Variants in PHIP observed in about 807,000 individuals in gnomAD.
PHIP encodes the protein PHIP subunit of CUL4-Ring ligase complex, also known as PH-interacting protein.
PHIP carries 54 observed loss-of-function variants against 236.8 expected under a neutral mutation model. The observed-to-expected ratio is 0.23, with a 90% CI of 0.18 to 0.29. The LOEUF (loss-of-function observed/expected upper bound fraction) is 0.29, where lower values mean the gene tolerates loss of function less well. Among genes scored for constraint, PHIP ranks in the 10% least tolerant of loss-of-function variants. The pLI is 1.00. For synonymous variants in PHIP, 756 were observed against 718.9 expected, an observed-to-expected ratio of 1.05 and a Z score of -0.83; for missense variants, 1,370 against 2,190.8, an observed-to-expected ratio of 0.63 and a Z score of 7.48.
rs117017781 is a variant in PHIP at position 78,953,488 on chromosome 6, C to A, written c.4053+1326G>T. On this transcript the variant is annotated intron_variant, in intron 35 of 39. Coordinates refer to ENST00000275034, the MANE Select transcript of PHIP (RefSeq NM_017934.7). ...ATAGCTGAGCTTGCAAGAACCAAAG[C>A]GAAATCCATAAGTTGTGAAAACACA... Among the ~76,000 whole-genome samples, 1,288 of 152,148 alleles carry A rather than the reference C, an allele frequency of 8.5e-3. 54 individuals are homozygous for A. Among genetic ancestry groups the A allele is most frequent in the Admixed American group, 0.07 (1,069 of 15,282 alleles).
At chr6:78,973,923 A>T (rs958309378) in intron 24 of PHIP, among the ~76,000 whole-genome samples, 36 of 151,920 alleles carry the variant, frequency 2.4e-4, no homozygotes, top group African/African-American at 7.7e-4. Context: ...ACACATTAAT[A>T]ATGGGAGACT....
chr6:79,036,491 A>T (rs1275952795), intron 7 of PHIP, among the ~76,000 whole-genome samples: 1 of 152,136 alleles, frequency 6.6e-6, no homozygotes, highest in Non-Finnish European at 1.5e-5. Flanking sequence ...AATAATTTTG[A>T]ATTTCAAACG....
chr6:78,947,066 T>C (rs1448936690), intron 36 of PHIP, among the ~76,000 whole-genome samples, 192 bp from the exon 37 acceptor site: 1 of 152,214 alleles, frequency 6.6e-6, no homozygotes, highest in African/African-American at 2.4e-5. Context: ...TTTTTGTGTT[T>C]AGAACAGAAA....
Position 79,070,515 on chromosome 6 carries a change from A to AAGGT in PHIP, c.189+6929_189+6932dup, listed in dbSNP as rs140722580. On this transcript the variant is annotated intron_variant, in intron 4 of 39. Coordinates refer to ENST00000275034, the MANE Select transcript of PHIP (RefSeq NM_017934.7). ...CAAAAACTAAACCAGAGTCAAACACAAGGTATGTATTTCTTGCATTATACT... is the reference window on the plus strand; with the variant it reads ...CAAAAACTAAACCAGAGTCAAACACAAGGTAGGTATGTATTTCTTGCATTATACT... 2.4e-3 allele frequency among the ~76,000 whole-genome samples: 359 copies of AAGGT among 152,344 alleles called. 1 individual carries two copies. The highest frequency in any genetic ancestry group is 8.3e-3 in the African/African-American group (344 of 41,568).
chr6:78,956,770 C>G (rs1424230443), intron 32 of PHIP: 1 of 152,062 alleles, frequency 6.6e-6, no homozygotes, highest in African/African-American at 2.4e-5. Flanking sequence ...ACTTCTCCTC[C>G]CCTGTATCTG....
chr6:78,937,723 ACTATAG>A lies in PHIP; in HGVS notation c.*2964_*2969del, dbSNP rs1773328342. ...TACATGCAGAAAATAGTCCAATGCCACTATAGCAGGTCACAAAGGATAAAATTTTAA... is the reference window on the plus strand; with the variant it reads ...TACATGCAGAAAATAGTCCAATGCCACAGGTCACAAAGGATAAAATTTTAA... On this transcript the variant is annotated 3_prime_UTR_variant, in exon 40 of 40. Transcript: ENST00000275034. 2.6e-5 allele frequency: 4 copies of A among 151,866 alleles called. No homozygotes were observed. 9.4% of individuals were successfully genotyped at this position (151,866 alleles called of 1,614,324 possible). A position where few individuals can be genotyped will look rare whatever the true frequency, so the allele number is the denominator to read the frequency against.
At chr6:79,020,668 G>A (rs1771073299) in intron 9 of PHIP, among the ~76,000 whole-genome samples, 1 of 152,104 alleles carries the variant, frequency 6.6e-6, no homozygotes, top group Non-Finnish European at 1.5e-5. Flanking sequence ...TTTTAGAAAG[G>A]AAATCAGTAT....
chr6:78,944,414 G>A (rs1773690113), intron 39 of PHIP, among the ~76,000 whole-genome samples: 1 of 152,120 alleles, frequency 6.6e-6, no homozygotes, highest in Non-Finnish European at 1.5e-5. Context: ...AAAGAGTTGA[G>A]AACTGAGGCA....
At position 78,978,588 on chromosome 6, in the gene PHIP, G is replaced by GT; in HGVS notation, c.2889+3dup. 6.4e-7 allele frequency: 1 copy of GT among 1,570,470 alleles called. No individual in the cohort carries two copies. Among genetic ancestry groups the GT allele is most frequent in the South Asian group, 1.2e-5 (1 of 83,282 alleles). The stretch of plus-strand genomic sequence containing the variant: ...AAATGGATAATTTAAAACTTTTAAA[G>GT]TACCTCATCACCCATCTGTGGCACA... On this transcript the variant is annotated splice_donor_region_variant and intron_variant, in intron 24 of 39. Transcript: ENST00000275034.
intron 6 of PHIP, among the ~76,000 whole-genome samples, chr6:79,048,130 G>A (rs906718023): frequency 9.9e-5 from 15 of 151,426 alleles, no homozygotes; most frequent in Admixed American, 1.3e-4. Context: ...ATAAGTCCAC[G>A]TAAAAATGTT....
At chr6:79,002,554 C>T (rs1770057097) in intron 16 of PHIP, among the ~76,000 whole-genome samples, 1 of 152,064 alleles carries the variant, frequency 6.6e-6, no homozygotes, top group South Asian at 2.1e-4. Flanking sequence ...CCAGCATATC[C>T]ACATTGTCTA....
At chr6:78,969,242 C>T (rs1035910462) in intron 27 of PHIP, among the ~76,000 whole-genome samples, 19 of 152,304 alleles carry the variant, frequency 1.2e-4, no homozygotes, top group African/African-American at 4.3e-4. Context: ...GAAGGACAGA[C>T]TGGTATATCA....
At chr6:79,068,418 A>G (rs1349890830) in intron 4 of PHIP, among the ~76,000 whole-genome samples, 2 of 152,204 alleles carry the variant, frequency 1.3e-5, no homozygotes, top group South Asian at 2.1e-4. Context: ...AGCCAAGATC[A>G]TGCCACTGCA....
chr6:78,953,496 A>AT (rs2127689501), intron 35 of PHIP, among the ~76,000 whole-genome samples: 2 of 152,354 alleles, frequency 1.3e-5, no homozygotes, highest in African/African-American at 4.8e-5. Context: ...AGCGAAATCC[A>AT]TAAGTTGTGA....
chr6:79,039,750 A>T (rs1772119383), intron 7 of PHIP, among the ~76,000 whole-genome samples: 1 of 152,156 alleles, frequency 6.6e-6, no homozygotes, highest in African/African-American at 2.4e-5. Flanking sequence ...TGAGTGCCTT[A>T]GTTGTGAAAA....
intron 7 of PHIP, among the ~76,000 whole-genome samples, chr6:79,039,697 AG>A (rs1229918163): frequency 1.3e-5 from 2 of 152,170 alleles, no homozygotes; most frequent in Admixed American, 6.5e-5. Context: ...GTTTCTGAAA[AG>A]GGGGGAAAAC....
At chr6:78,965,821 A>T (rs1767088255) in intron 28 of PHIP, 57 bp from the exon 29 acceptor site, 6 of 1,187,098 alleles carry the variant, frequency 5.1e-6, no homozygotes, top group Non-Finnish European at 7.4e-6. Context: ...TCACAATTTT[A>T]ATAAAATCAA....
chr6:78,990,505 G>C (rs572618194), intron 20 of PHIP, among the ~76,000 whole-genome samples: 1 of 152,122 alleles, frequency 6.6e-6, no homozygotes, highest in Admixed American at 6.5e-5. Context: ...ATAATGAATA[G>C]ATGCAAGACA....
rs186280707 is a variant in PHIP at position 79,007,783 on chromosome 6, C to T, written c.1525-3925G>A. ...CCCTAAAATAATCTTATGAAATGGA[C>T]TCATATACCAAGAATGAAAAGAGGT... On this transcript the variant is annotated intron_variant, in intron 15 of 39. Transcript: ENST00000275034. Among the ~76,000 whole-genome samples, 96 of 149,940 alleles carry T rather than the reference C, an allele frequency of 6.4e-4. 1 individual carries two copies. The South Asian group carries it at 8.2e-3, about 13-fold the overall frequency.
Sources: allele counts gnomAD v4.1 joint callset (sites outside exome capture counted in the v4.1 genomes callset), GRCh38; gene constraint gnomAD v4.1.1; transcripts MANE v1.5; gene names NCBI Gene and HGNC (gene_info 2026-07-23, HGNC 2026-07-21).